The following NSG2 variants were observed in gnomAD, a reference collection of about 807,000 sequenced individuals.
The protein encoded by NSG2 is neuronal vesicle trafficking associated 2.
A neutral mutation model predicts 16.9 loss-of-function variants in NSG2; 4 were observed. That is an observed-to-expected ratio of 0.24 (90% CI 0.12 to 0.54). NSG2 has a LOEUF of 0.54. Among genes scored for constraint, NSG2 ranks in the 20% least tolerant of loss-of-function variants. The pLI is 0.95. For synonymous variants in NSG2, 98 were observed against 88.7 expected (o/e 1.11, Z -0.59); for missense variants, 179 against 221.1 (o/e 0.81, Z 1.21).
At chr5:174,091,088 T>G (rs1298874905) in intron 3 of NSG2, 2 of 148,228 alleles carry the variant, frequency 1.3e-5, no homozygotes, top group East Asian at 4.2e-4. Context: ...AGAAAGGGGA[T>G]TAAGGAATGG....
chr5:174,054,141 C>T (rs1218063560), intron 2 of NSG2, among the ~76,000 whole-genome samples: 2 of 152,206 alleles, frequency 1.3e-5, no homozygotes, highest in Non-Finnish European at 2.9e-5. Context: ...CTATAACAGA[C>T]ACACTGCTTC....
intron 3 of NSG2, among the ~76,000 whole-genome samples, chr5:174,102,794 A>G (rs1408192643): frequency 1.3e-5 from 2 of 150,254 alleles, no homozygotes; most frequent in East Asian, 3.9e-4. Context: ...TTATTTATTT[A>G]TTTAGATGGA....
intron 2 of NSG2, among the ~76,000 whole-genome samples, chr5:174,054,771 G>A (rs868663831): frequency 1.7e-4 from 26 of 152,184 alleles, no homozygotes; most frequent in African/African-American, 5.8e-4. Flanking sequence ...GACACACAGG[G>A]AGATCACTGT....
chr5:174,049,040 TAA>T (rs763585577), intron 2 of NSG2, among the ~76,000 whole-genome samples: 1 of 150,932 alleles, frequency 6.6e-6, no homozygotes, highest in African/African-American at 2.4e-5. Context: ...AAGTGCCTGG[TAA>T]AAAAAAACCG....
At chr5:174,102,242 C>T (rs893187185) in intron 3 of NSG2, among the ~76,000 whole-genome samples, 6 of 152,196 alleles carry the variant, frequency 3.9e-5, no homozygotes, top group African/African-American at 1.2e-4. Context: ...AAATTCCTCC[C>T]GTCCAGTATT....
chr5:174,107,849 C>A lies in NSG2; in HGVS notation c.*344C>A. On this transcript the variant is annotated 3_prime_UTR_variant, in exon 5 of 5. Transcript: ENST00000303177. The surrounding 1 kb of genome is among the most constrained non-coding windows in gnomAD (Gnocchi z 4.5). ...AAAGGAAAGAAACAAAGAACATGAA[C>A]AAAAAGCATTAAACTGGCTCCATCA... 7 of 449,826 alleles carry A rather than the reference C, an allele frequency of 1.6e-5. No individual in the cohort carries two copies. The highest frequency in any genetic ancestry group is 7.9e-5 in the Admixed American group (3 of 38,098). The allele number at this position is 449,826 out of a possible 1,614,324, so 27.9% of individuals were successfully genotyped here.
Position 174,064,309 on chromosome 5 carries a change from A to G in NSG2, c.207A>G (p.Glu69=), listed in dbSNP as rs748851430. ...KGKFRVPKIA[E]FTVTILVSLA... ...AGTTCCGGGTGCCGAAAATCGCTGA[A>G]TTTACGGTCAGTTTCTTGATGGTGT... The change falls in exon 3 of 5, where the codon GAA becomes GAG. Residue 69 remains glutamate (E), a synonymous_variant. Transcript: ENST00000303177. The G allele has an allele frequency of 6.2e-7, 1 of 1,610,340 alleles. No individual in the cohort carries two copies. Among genetic ancestry groups the G allele is most frequent in the Non-Finnish European group, 8.5e-7 (1 of 1,177,306 alleles).
rs141589448 is a variant in NSG2, at chr5:174,096,248, C to T, written c.214-7980C>T. On this transcript the variant is annotated intron_variant, in intron 3 of 4. Transcript: ENST00000303177. ...CAGACAGGTGAGGTTAATTAAAGTG[C>T]CCTAGGAGAAGTGTCTTGAAGAGCT... is the stretch of plus-strand genomic sequence containing the variant. Among the ~76,000 whole-genome samples the T allele has an allele frequency of 1.4e-3, 214 of 152,302 alleles. No individual in the cohort carries two copies. The Middle Eastern group carries it at 0.017, about 12-fold the overall frequency.
chr5:174,086,935 G>A (rs932523582), intron 3 of NSG2, among the ~76,000 whole-genome samples: 6 of 152,162 alleles, frequency 3.9e-5, no homozygotes, highest in Non-Finnish European at 7.3e-5. Flanking sequence ...AGTTCAAACT[G>A]TGCTTTTTCT....
At chr5:174,089,003 T>A (rs1760677673) in intron 3 of NSG2, among the ~76,000 whole-genome samples, 1 of 151,756 alleles carries the variant, frequency 6.6e-6, no homozygotes, top group Non-Finnish European at 1.5e-5. Flanking sequence ...TATTTAAAGG[T>A]GAAATTGGTA....
rs369792141 is a variant in NSG2 at position 174,085,064 on chromosome 5, C to A, written c.214-19164C>A. Among the ~76,000 whole-genome samples the A allele has an allele frequency of 2.0e-5, 3 of 152,168 alleles. No individual in the cohort carries two copies. In the East Asian group the frequency reaches 5.8e-4, roughly 29 times the overall value. ...TTAATTAAGGCTGTGACTCACCAGA[C>A]CATCTTGATGAAATTAAGCAGTGCA... On this transcript the variant is annotated intron_variant, in intron 3 of 4. Coordinates refer to ENST00000303177, the MANE Select transcript of NSG2 (RefSeq NM_015980.5).
At chr5:174,067,604 T>C (rs537946625) in intron 3 of NSG2, among the ~76,000 whole-genome samples, 24 of 152,388 alleles carry the variant, frequency 1.6e-4, no homozygotes, top group Non-Finnish European at 3.1e-4. Context: ...GATTCTCTTA[T>C]GCTTATGTAA....
intron 3 of NSG2, among the ~76,000 whole-genome samples, chr5:174,065,842 A>T (rs965042788): frequency 6.6e-6 from 1 of 152,218 alleles, no homozygotes; most frequent in Admixed American, 6.5e-5. Flanking sequence ...AGCCTCACTT[A>T]TCAAATGGAG....
At chr5:174,051,273 C>T (rs1449180905) in intron 2 of NSG2, among the ~76,000 whole-genome samples, 2 of 152,064 alleles carry the variant, frequency 1.3e-5, no homozygotes, top group Non-Finnish European at 2.9e-5. Flanking sequence ...TAGAATTATC[C>T]TGCCCCAAAT....
At chr5:174,081,503 C>G (rs1189770305) in intron 3 of NSG2, 2 of 152,072 alleles carry the variant, frequency 1.3e-5, no homozygotes, top group African/African-American at 4.8e-5. Flanking sequence ...CCATGGAGTT[C>G]TGTTTGCTAA....
At chr5:174,098,074 G>A (rs930649874) in intron 3 of NSG2, among the ~76,000 whole-genome samples, 4 of 152,110 alleles carry the variant, frequency 2.6e-5, no homozygotes, top group African/African-American at 4.8e-5. Flanking sequence ...GGAGGAACTG[G>A]AGCAGGCCCC....
intron 2 of NSG2, among the ~76,000 whole-genome samples, chr5:174,059,806 G>C (rs904194438): frequency 4.6e-5 from 7 of 152,094 alleles, no homozygotes; most frequent in African/African-American, 1.7e-4. Flanking sequence ...ACAATTCCAG[G>C]ACTAAAGTCT....
At position 174,107,655 on chromosome 5, in the gene NSG2, G is replaced by A. The variant is rs973656377; in HGVS notation, c.*150G>A. ...GTGGGGGGAAGAACGCACCAAAAACGTGGTGTGTGCTGGAGTTGTCTGAAC... is the reference window on the plus strand; with the variant it reads ...GTGGGGGGAAGAACGCACCAAAAACATGGTGTGTGCTGGAGTTGTCTGAAC... On this transcript the variant is annotated 3_prime_UTR_variant, in exon 5 of 5. Coordinates refer to ENST00000303177, the MANE Select transcript of NSG2 (RefSeq NM_015980.5). The surrounding 1 kb of genome is among the most constrained non-coding windows in gnomAD (Gnocchi z 4.5). 13 of 794,928 alleles carry A rather than the reference G, an allele frequency of 1.6e-5. No homozygotes were observed. Among genetic ancestry groups the A allele is most frequent in the Middle Eastern group, 2.2e-4 (1 of 4,590 alleles). 49.2% of individuals were successfully genotyped at this position (794,928 alleles called of 1,614,324 possible). A position where few individuals can be genotyped will look rare whatever the true frequency, so the allele number is the denominator to read the frequency against.
At chr5:174,061,212 T>C (rs1274132891) in intron 2 of NSG2, among the ~76,000 whole-genome samples, 2 of 152,240 alleles carry the variant, frequency 1.3e-5, no homozygotes, top group Non-Finnish European at 2.9e-5. Flanking sequence ...TTTGTGAATA[T>C]TTCTAAAATC....
Sources: allele counts gnomAD v4.1 joint callset (sites outside exome capture counted in the v4.1 genomes callset), GRCh38; gene constraint gnomAD v4.1.1; non-coding constraint Gnocchi (gnomAD v3.1); transcripts MANE v1.5; gene names NCBI Gene and HGNC (gene_info 2026-07-23, HGNC 2026-07-21).